The following BACH2 variants were observed in gnomAD, a reference collection of about 807,000 sequenced individuals.
The protein encoded by BACH2 is BACH transcriptional regulator 2.
BACH2 carries 5 observed loss-of-function variants against 61.8 expected under a neutral mutation model. That is an observed-to-expected ratio of 0.08 (90% CI 0.04 to 0.17). The LOEUF is 0.17. Among genes scored for constraint, BACH2 ranks in the 10% least tolerant of loss-of-function variants. The pLI is 1.00. For missense variants in BACH2, 824 were observed against 1,091.1 expected (o/e 0.76, Z 3.45); for synonymous variants, 446 against 440.1 (o/e 1.01, Z -0.17).
intron 5 of BACH2, among the ~76,000 whole-genome samples, chr6:90,077,979 G>A (rs1261864390): frequency 1.3e-5 from 2 of 152,134 alleles, no homozygotes; most frequent in Non-Finnish European, 2.9e-5. Context: ...ACTTTGGTGG[G>A]TGGAAAAGGA....
At chr6:90,128,034 C>G (rs746574138) in intron 4 of BACH2, among the ~76,000 whole-genome samples, 1 of 151,776 alleles carries the variant, frequency 6.6e-6, no homozygotes, top group Non-Finnish European at 1.5e-5. Flanking sequence ...TCCCTTATGC[C>G]CCCCCATCTC....
chr6:90,073,433 C>T (rs181982233), intron 5 of BACH2, among the ~76,000 whole-genome samples: 4 of 152,304 alleles, frequency 2.6e-5, no homozygotes, highest in Non-Finnish European at 4.4e-5. Flanking sequence ...TCTTTTCTGT[C>T]AACAGAGATC....
At chr6:89,943,439 G>A (rs1773553729) in intron 7 of BACH2, among the ~76,000 whole-genome samples, 1 of 151,366 alleles carries the variant, frequency 6.6e-6, no homozygotes, top group Non-Finnish European at 1.5e-5. Context: ...AGATTATTCT[G>A]TAAGTATTAT....
chr6:90,036,243 C>G (rs573048523), intron 5 of BACH2, among the ~76,000 whole-genome samples: 1 of 151,228 alleles, frequency 6.6e-6, no homozygotes, highest in East Asian at 1.9e-4. Context: ...TTCCCTTCAC[C>G]TTTTTTCACC....
intron 5 of BACH2, among the ~76,000 whole-genome samples, chr6:90,026,223 T>C (rs1778629103): frequency 1.3e-5 from 2 of 152,104 alleles, no homozygotes; most frequent in Non-Finnish European, 2.9e-5. Context: ...GCTCAGTAAT[T>C]AGTGGACTTC....
intron 4 of BACH2, among the ~76,000 whole-genome samples, chr6:90,201,200 T>A (rs1768944998): frequency 6.6e-6 from 1 of 152,302 alleles, no homozygotes; most frequent in Middle Eastern, 3.4e-3. Flanking sequence ...TCTCTTTGAG[T>A]TAATGTTCTA....
chr6:90,279,437 C>T (rs895259274), intron 1 of BACH2, among the ~76,000 whole-genome samples: 1 of 150,658 alleles, frequency 6.6e-6, no homozygotes, highest in Non-Finnish European at 1.5e-5. Flanking sequence ...GCAGGAGAGT[C>T]GCTTGAACCC....
intron 8 of BACH2, among the ~76,000 whole-genome samples, chr6:89,933,607 G>A (rs529675094): frequency 1.3e-5 from 2 of 152,130 alleles, no homozygotes; most frequent in African/African-American, 2.4e-5. Context: ...GACAGTGGGG[G>A]AGGCTGTGTG....
At chr6:90,076,416 T>TG (rs1781473292) in intron 5 of BACH2, among the ~76,000 whole-genome samples, 1 of 152,228 alleles carries the variant, frequency 6.6e-6, no homozygotes, top group African/African-American at 2.4e-5. Context: ...TATTCCCTTA[T>TG]GGTCCATGGT....
At chr6:90,025,075 G>C (rs1179455303) in intron 5 of BACH2, among the ~76,000 whole-genome samples, 1 of 152,136 alleles carries the variant, frequency 6.6e-6, no homozygotes, top group Non-Finnish European at 1.5e-5. Flanking sequence ...ACAATAGCAT[G>C]GTGCATAAAC....
chr6:90,148,220 C>G (rs560016957), intron 4 of BACH2, among the ~76,000 whole-genome samples: 3 of 152,228 alleles, frequency 2.0e-5, no homozygotes, highest in African/African-American at 7.2e-5. Flanking sequence ...CCACATCCAC[C>G]CAAGTGAGGA....
At chr6:90,038,490 T>C (rs1350705682) in intron 5 of BACH2, among the ~76,000 whole-genome samples, 1 of 152,224 alleles carries the variant, frequency 6.6e-6, no homozygotes, top group Non-Finnish European at 1.5e-5. Context: ...GAGTGGTTTC[T>C]TCTAAAGATG....
rs1772655958 is a variant in BACH2, at chr6:89,931,741, T to C, written c.*667A>G. Reference sequence around the variant, plus strand: ...AACCTTGGGAAAAAGCTTCCAACACTGAATTTTGTCCATAAATAAGTACGA... The same window carrying C: ...AACCTTGGGAAAAAGCTTCCAACACCGAATTTTGTCCATAAATAAGTACGA... On this transcript the variant is annotated 3_prime_UTR_variant, in exon 9 of 9. Transcript: ENST00000257749. The C allele has an allele frequency of 6.6e-6, 1 of 152,550 alleles. No homozygotes were observed. The highest frequency in any genetic ancestry group is 2.1e-4 in the South Asian group (1 of 4,834). 9.4% of individuals were successfully genotyped at this position (152,550 alleles called of 1,614,324 possible).
chr6:90,003,807 G>A (rs1395746071), intron 6 of BACH2, among the ~76,000 whole-genome samples: 1 of 152,144 alleles, frequency 6.6e-6, no homozygotes, highest in Admixed American at 6.5e-5. Context: ...GTTTTGTTTA[G>A]GTGAATGGGG....
At chr6:90,270,625 T>C (rs1771488036) in intron 2 of BACH2, among the ~76,000 whole-genome samples, 1 of 152,130 alleles carries the variant, frequency 6.6e-6, no homozygotes, top group Non-Finnish European at 1.5e-5. Flanking sequence ...ATGAGTAGAA[T>C]CAATATTATG....
chr6:90,004,453 A>G (rs1252701860), intron 6 of BACH2, among the ~76,000 whole-genome samples: 2 of 152,196 alleles, frequency 1.3e-5, no homozygotes, highest in Non-Finnish European at 2.9e-5. Flanking sequence ...TCTAGAGGGT[A>G]CAAGGACACA....
chr6:90,225,351 C>A (rs976284785), intron 3 of BACH2, among the ~76,000 whole-genome samples: 13 of 152,134 alleles, frequency 8.5e-5, no homozygotes, highest in Admixed American at 8.5e-4. Flanking sequence ...CATGCCACTG[C>A]ACTCCAGTCT....
At chr6:90,153,041 T>C (rs772187245) in intron 4 of BACH2, among the ~76,000 whole-genome samples, 12 of 152,206 alleles carry the variant, frequency 7.9e-5, no homozygotes, top group Non-Finnish European at 1.8e-4. Context: ...TGAAGGGAGC[T>C]ATGAAACATT....
chr6:90,023,181 T>G (rs916988770), intron 5 of BACH2, among the ~76,000 whole-genome samples: 1 of 152,198 alleles, frequency 6.6e-6, no homozygotes, highest in African/African-American at 2.4e-5. Flanking sequence ...TCTAGGGATA[T>G]ATACTGTTAT....
Sources: gnomAD v4.1 joint callset for allele counts (sites outside exome capture counted in the v4.1 genomes callset) on GRCh38, gnomAD v4.1.1 for gene constraint, MANE v1.5 for transcripts, NCBI Gene and HGNC (gene_info 2026-07-23, HGNC 2026-07-21) for gene names.